The following FAM167A variants were observed in gnomAD, a reference collection of about 807,000 sequenced individuals.
FAM167A encodes family with sequence similarity 167 member A.
A neutral mutation model predicts 14.9 loss-of-function variants in FAM167A; 23 were observed. The observed-to-expected ratio is 1.55, with a 90% CI of 1.11 to 2.19. The LOEUF (loss-of-function observed/expected upper bound fraction) is 2.19. Ranked by LOEUF, FAM167A falls within the 30% of genes most tolerant of loss-of-function variation. The pLI is 0.00. For missense variants in FAM167A, 401 were observed against 281.5 expected (o/e 1.42, Z -3.04); for synonymous variants, 174 against 117.7 (o/e 1.48, Z -3.10).
intron 1 of FAM167A, among the ~76,000 whole-genome samples, chr8:11,457,336 C>T (rs1807376229): frequency 6.6e-6 from 1 of 152,024 alleles, no homozygotes; most frequent in Admixed American, 6.5e-5. Context: ...TGTGAGAACT[C>T]GGCAGTCTCT....
intron 2 of FAM167A, among the ~76,000 whole-genome samples, chr8:11,425,252 C>T (rs1418810517): frequency 1.3e-5 from 2 of 152,140 alleles, no homozygotes; most frequent in Admixed American, 1.3e-4. Context: ...AACAGTTAAC[C>T]GTCACTACAA....
chr8:11,435,129 G>A (rs1805918076), intron 2 of FAM167A: 1 of 456,554 alleles, frequency 2.2e-6, no homozygotes, highest in African/African-American at 2.0e-5. Flanking sequence ...CTGTTCCCTT[G>A]ACCTCTCCAG....
At chr8:11,452,253 T>C (rs1226777810) in intron 1 of FAM167A, among the ~76,000 whole-genome samples, 1 of 152,230 alleles carries the variant, frequency 6.6e-6, no homozygotes, top group Non-Finnish European at 1.5e-5. Flanking sequence ...GAGGACAGAA[T>C]GACAATTTCG....
In FAM167A at chr8:11,434,095, G is replaced by C. The variant is rs148489358; in HGVS notation, c.382-9459C>G. 2.1e-3 allele frequency: 319 copies of C among 152,362 alleles called. 1 individual carries two copies. Among genetic ancestry groups the C allele is most frequent in the African/African-American group, 7.5e-3 (311 of 41,572 alleles). The allele number at this position is 152,362 out of a possible 1,614,324, so 9.4% of individuals were successfully genotyped here. A position where few individuals can be genotyped will look rare whatever the true frequency, so the allele number is the denominator to read the frequency against. ...GCTGAAGGGCAACTGGAGGTTCCGG[G>C]GAAATGTGAAGAAAGAAACGCAAAC... On this transcript the variant is annotated intron_variant, in intron 2 of 2. Coordinates refer to ENST00000284486, the MANE Select transcript of FAM167A (RefSeq NM_053279.3).
In FAM167A at chr8:11,422,189, A is replaced by G. The variant is rs1804778367; in HGVS notation, c.*2184T>C. ...ACTCAGTTGCATCCAACTTAATTGG[A>G]CTGACTACATTCAGCTAAATCTTTC... On this transcript the variant is annotated 3_prime_UTR_variant, in exon 3 of 3. Transcript: ENST00000284486. The G allele has an allele frequency of 5.0e-6, 1 of 200,002 alleles. No individual in the cohort carries two copies. Among genetic ancestry groups the G allele is most frequent in the Non-Finnish European group, 1.0e-5 (1 of 99,936 alleles). The allele number at this position is 200,002 out of a possible 1,614,324, so 12.4% of individuals were successfully genotyped here. A position where few individuals can be genotyped will look rare whatever the true frequency, so the allele number is the denominator to read the frequency against.
Position 11,422,675 on chromosome 8 carries a change from T to A in FAM167A, c.*1698A>T, listed in dbSNP as rs1804839431. On this transcript the variant is annotated 3_prime_UTR_variant, in exon 3 of 3. Transcript: ENST00000284486. ...TTCTGTCTACTAGAGATCATTCATTTGCATTGTCCTACTCTCAGCCCACAA... is the reference window on the plus strand; with the variant it reads ...TTCTGTCTACTAGAGATCATTCATTAGCATTGTCCTACTCTCAGCCCACAA... The A allele has an allele frequency of 6.6e-6, 1 of 152,210 alleles. No homozygotes were observed. Among genetic ancestry groups the A allele is most frequent in the African/African-American group, 2.4e-5 (1 of 41,434 alleles). The allele number at this position is 152,210 out of a possible 1,614,324, so 9.4% of individuals were successfully genotyped here.
intron 1 of FAM167A, chr8:11,445,608 G>A: frequency 2.0e-6 from 2 of 985,468 alleles, no homozygotes; most frequent in Non-Finnish European, 2.4e-6. Context: ...ATCTGATGTG[G>A]CCTCCCCATC....
At chr8:11,443,987 T>C in intron 2 of FAM167A, 44 bp downstream of exon 2, 2 of 1,569,580 alleles carry the variant, frequency 1.3e-6, no homozygotes, top group Admixed American at 1.8e-5. Context: ...AGAGAGACGG[T>C]GGCATCTCCT....
At chr8:11,449,634 CCCAGGCACGCCCCG>C (rs1806942061) in intron 1 of FAM167A, among the ~76,000 whole-genome samples, 1 of 152,214 alleles carries the variant, frequency 6.6e-6, no homozygotes, top group African/African-American at 2.4e-5. Context: ...TCCCACCAGG[CCCAGGCACGCCCCG>C]CCAGGCAGGC....
chr8:11,444,013 T>G lies in FAM167A; in HGVS notation c.381+18A>C. 1 of 1,597,732 alleles carries G rather than the reference T, an allele frequency of 6.3e-7. No individual in the cohort carries two copies. Among genetic ancestry groups the G allele is most frequent in the South Asian group, 1.1e-5 (1 of 89,412 alleles). On this transcript the variant is annotated intron_variant, in intron 2 of 2. Transcript: ENST00000284486. ...GGCATCTCCTCTTTTCTGGGGATTC[T>G]TGGGGGCAGCCACTCACCAGTTCCT...
At chr8:11,463,029 G>T (rs1421462681) in intron 1 of FAM167A, among the ~76,000 whole-genome samples, 1 of 152,176 alleles carries the variant, frequency 6.6e-6, no homozygotes, top group African/African-American at 2.4e-5. Context: ...AGAGCAGATT[G>T]CTGGGCTTCA....
intron 2 of FAM167A, among the ~76,000 whole-genome samples, chr8:11,425,134 T>TAA (rs1311371904): frequency 2.5e-3 from 383 of 152,346 alleles, no homozygotes; most frequent in African/African-American, 8.8e-3. Context: ...TTAGAATGCC[T>TAA]GAAATATTTC....
chr8:11,442,831 T>G (rs1444142702), intron 2 of FAM167A, among the ~76,000 whole-genome samples: 3 of 152,308 alleles, frequency 2.0e-5, no homozygotes, highest in East Asian at 3.9e-4. Context: ...TGGTGTGTTC[T>G]GAGAAGCACT....
At chr8:11,458,706 T>A (rs761021388) in intron 1 of FAM167A, among the ~76,000 whole-genome samples, 1 of 151,938 alleles carries the variant, frequency 6.6e-6, no homozygotes, top group East Asian at 1.9e-4. Context: ...TGGGAGGATA[T>A]AAGCTTGGAG....
chr8:11,428,539 C>A (rs903710476), intron 2 of FAM167A, among the ~76,000 whole-genome samples: 2 of 152,226 alleles, frequency 1.3e-5, no homozygotes, highest in African/African-American at 4.8e-5. Flanking sequence ...TCTGAGAGAA[C>A]ATGAGGAGGG....
intron 2 of FAM167A, among the ~76,000 whole-genome samples, chr8:11,437,879 A>C (rs1806140663): frequency 1.3e-5 from 2 of 149,168 alleles, no homozygotes; most frequent in South Asian, 4.1e-4. Flanking sequence ...GGAAGTGAGG[A>C]ATTTGCGTAT....
intron 1 of FAM167A, among the ~76,000 whole-genome samples, chr8:11,454,317 AGACTCGT>A (rs1807144822): frequency 6.6e-6 from 1 of 152,216 alleles, no homozygotes; most frequent in African/African-American, 2.4e-5. Flanking sequence ...CACATCAGAG[AGACTCGT>A]GGCTTCACTC....
In FAM167A at chr8:11,424,551, G is replaced by C. The variant is rs1563354270; in HGVS notation, c.467C>G (p.Thr156Ser). The C allele has an allele frequency of 1.9e-6, 3 of 1,614,098 alleles. No individual in the cohort carries two copies. Among genetic ancestry groups the C allele is most frequent in the Admixed American group, 1.7e-5 (1 of 60,028 alleles). ...GAGCATCCTCCTGTGGAGGCGGCAG[G>C]TGTGTTCGATTTTCAGCTTGTTGAT... ...GDINKLKIEH[T>S]CRLHRRMLND... Residue 156 changes from threonine (T) to serine (S), a missense_variant, in exon 3 of 3, where the codon ACC becomes AGC. Physicochemically the swap from Thr to Ser is moderately conservative, Grantham distance 58. Coordinates refer to ENST00000284486, the MANE Select transcript of FAM167A (RefSeq NM_053279.3).
rs539008303 is a variant in FAM167A at position 11,463,479 on chromosome 8, G to A, written c.-398+3147C>T. On this transcript the variant is annotated intron_variant, in intron 1 of 2. Coordinates refer to ENST00000284486, the MANE Select transcript of FAM167A (RefSeq NM_053279.3). ...AGGGGCTGCTGTGCCCAGCCAGCTC[G>A]CAGAGGCTCCGCTGGCTTCCTGGAA... 3.3e-5 allele frequency among the ~76,000 whole-genome samples: 5 copies of A among 152,324 alleles called. No individual in the cohort carries two copies. In the East Asian group the frequency reaches 7.7e-4, roughly 24 times the overall value.
Sources: allele counts gnomAD v4.1 joint callset (sites outside exome capture counted in the v4.1 genomes callset), GRCh38; gene constraint gnomAD v4.1.1; transcripts MANE v1.5; gene names NCBI Gene and HGNC (gene_info 2026-07-23, HGNC 2026-07-21).